The following BCL6 variants were observed in gnomAD, a reference collection of about 807,000 sequenced individuals.
BCL6 encodes the protein B-cell lymphoma 6 protein.
In BCL6, 7 loss-of-function variants were observed where a neutral mutation model predicts 59.5. That is an observed-to-expected ratio of 0.12 (90% confidence interval 0.07 to 0.22). BCL6 has a LOEUF of 0.22. Ranked by LOEUF, BCL6 falls within the 10% of genes least tolerant of loss-of-function variation. The probability of loss-of-function intolerance (pLI) is 1.00; values close to 1 mark genes in which losing one functional copy is unlikely to be tolerated. For synonymous variants in BCL6, 339 were observed against 349.7 expected (o/e 0.97, Z 0.34); for missense variants, 685 against 939.4 (o/e 0.73, Z 3.54).
rs778229277 is a variant in BCL6, at chr3:187,728,440, T to A, written c.1460A>T (p.Glu487Val). 1 of 1,612,770 alleles carries A rather than the reference T, an allele frequency of 6.2e-7. No homozygotes were observed. Among genetic ancestry groups the A allele is most frequent in the Non-Finnish European group, 8.5e-7 (1 of 1,179,640 alleles). Reference protein sequence around the residue: ...SCGSQSPQHAEMCLHTAGPTF... With the variant: ...SCGSQSPQHAVMCLHTAGPTF... ...GGGGCCAGCGGTGTGGAGGCACATC[T>A]CTGCATGCTGTGGGGACTGAGAGCC... The change falls in exon 6 of 10, where the codon GAG becomes GTG. Residue 487 changes from glutamate (E) to valine (V), a missense_variant. Coordinates refer to ENST00000406870, the MANE Select transcript of BCL6 (RefSeq NM_001706.5).
intron 1 of BCL6, among the ~76,000 whole-genome samples, chr3:187,744,816 G>A (rs557082253): frequency 3.3e-5 from 5 of 152,218 alleles, no homozygotes; most frequent in East Asian, 3.9e-4. Flanking sequence ...GACGGAGCAA[G>A]GAAAGCAGTT....
Position 187,742,486 on chromosome 3 carries a change from T to C in BCL6, c.-50+2924A>G, listed in dbSNP as rs190384400. Among the ~76,000 whole-genome samples, 97 of 152,328 alleles carry C rather than the reference T, an allele frequency of 6.4e-4. 1 individual carries two copies. The East Asian group carries it at 0.017, about 27-fold the overall frequency. ...AAGAAGAAAGGGGCAATTGGAGAAT[T>C]CCCACTTTTTCTGGCTGTCTCCTTC... On this transcript the variant is annotated intron_variant, in intron 1 of 9. Coordinates refer to ENST00000406870, the MANE Select transcript of BCL6 (RefSeq NM_001706.5).
At chr3:187,737,583 C>G (rs2108476372) in intron 1 of BCL6, 2 of 152,666 alleles carry the variant, frequency 1.3e-5, no homozygotes, top group Admixed American at 6.5e-5. Context: ...TACCCCACCC[C>G]GACCACTCCG....
chr3:187,729,497 T>C lies in BCL6; in HGVS notation c.908A>G (p.Glu303Gly). The C allele has an allele frequency of 1.2e-6, 2 of 1,613,468 alleles. No homozygotes were observed. The highest frequency in any genetic ancestry group is 1.7e-6 in the Non-Finnish European group (2 of 1,179,768). Residue 303 changes from glutamate (E) to glycine (G), a missense_variant, in exon 5 of 10, where the codon GAA (glutamate) becomes GGA (glycine). By Grantham distance (98) the Glu-to-Gly change is moderately conservative (BLOSUM62 -2). Transcript: ENST00000406870. This position sits in a 1 kb window ranked among gnomAD's most constrained non-coding sequence, Gnocchi z 5.6. The stretch of plus-strand genomic sequence containing the variant: ...CTCATCTTCCGAGGAGGGTCTCTCT[T>C]CTTCTTTGCTGGCCTTGTCACAAGG... ...YFPCDKASKE[E>G]ERPSSEDEIA...
Position 187,733,552 on chromosome 3 carries a change from T to A in BCL6, c.142A>T (p.Thr48Ser). The change falls in exon 3 of 10, where the codon ACG (threonine) becomes TCG (serine). Residue 48 changes from threonine (T) to serine (S), a missense_variant. Around this residue, in one of 7 missense-constraint regions of BCL6, gnomAD observed 102 missense variants for 176.6 expected, o/e 0.58. Transcript: ENST00000406870. ...CCTCACCTGCAGGCCATGAGGACCG[T>A]TTTATGGGCTCTAAACTGCTCACGG... ...VSREQFRAHK[T>S]VLMACSGLFY... 3.7e-6 allele frequency: 6 copies of A among 1,613,908 alleles called. No individual in the cohort carries two copies. The highest frequency in any genetic ancestry group is 5.1e-6 in the Non-Finnish European group (6 of 1,179,958).
intron 1 of BCL6, among the ~76,000 whole-genome samples, chr3:187,743,456 AC>A (rs1195604576): frequency 6.6e-6 from 1 of 151,222 alleles, no homozygotes; most frequent in African/African-American, 2.4e-5. Flanking sequence ...AACTGTCAGG[AC>A]CCCCCACCCC....
intron 1 of BCL6, among the ~76,000 whole-genome samples, chr3:187,744,743 C>A (rs1711814880): frequency 1.3e-5 from 2 of 151,688 alleles, no homozygotes; most frequent in Admixed American, 6.6e-5. Flanking sequence ...CCCAGAAGGA[C>A]AGGGGAAGGG....
Position 187,729,616 on chromosome 3 carries a change from T to C in BCL6, c.789A>G (p.Glu263=), listed in dbSNP as rs778910083. ...CACTTCGTGCCTCTTCTGGGATTGT[T>C]TCCTTGGGTGAATAGATATTGCTGT... is the stretch of plus-strand genomic sequence containing the variant. ...VCHSNIYSPK[E]TIPEEARSDM... is the part of the protein sequence containing the mutation. The change falls in exon 5 of 10, where the codon GAA becomes GAG. Residue 263 remains glutamate, a synonymous_variant. Coordinates refer to ENST00000406870, the MANE Select transcript of BCL6 (RefSeq NM_001706.5). This position sits in a 1 kb window ranked among gnomAD's most constrained non-coding sequence, Gnocchi z 5.6. 6.2e-7 allele frequency: 1 copy of C among 1,614,174 alleles called. No individual in the cohort carries two copies. Among genetic ancestry groups the C allele is most frequent in the Non-Finnish European group, 8.5e-7 (1 of 1,180,028 alleles).
intron 1 of BCL6, among the ~76,000 whole-genome samples, chr3:187,735,857 C>A (rs1374336439): frequency 2.6e-5 from 4 of 151,890 alleles, no homozygotes; most frequent in East Asian, 1.9e-4. Context: ...AAAGCAGAAC[C>A]TTTTAGAGCT....
At chr3:187,737,392 AG>A (rs1719340406) in intron 1 of BCL6, 22 of 141,568 alleles carry the variant, frequency 1.6e-4, no homozygotes, top group Non-Finnish European at 3.0e-4. Flanking sequence ...AGAGAGAGAG[AG>A]AGAAAATGAG....
chr3:187,744,136 A>G (rs529448064), intron 1 of BCL6, among the ~76,000 whole-genome samples: 3 of 152,274 alleles, frequency 2.0e-5, no homozygotes, highest in Admixed American at 2.0e-4. Flanking sequence ...AAAAAATAAA[A>G]TAAAATTTAG....
chr3:187,732,187 CA>C (rs963823190), intron 3 of BCL6, among the ~76,000 whole-genome samples: 7 of 152,288 alleles, frequency 4.6e-5, no homozygotes, highest in African/African-American at 9.6e-5. Flanking sequence ...GAACTAAGAT[CA>C]GGGGGGTTAA....
intron 6 of BCL6, 90 bp from the exon 7 acceptor site, chr3:187,726,988 G>C: frequency 6.9e-7 from 1 of 1,449,948 alleles, no homozygotes; most frequent in East Asian, 2.3e-5. Context: ...TACCCCTTGT[G>C]CCAAACTGAA....
intron 1 of BCL6, chr3:187,737,752 C>CTTTTTTTTTTT (rs60679881): frequency 1.4e-4 from 12 of 83,398 alleles, no homozygotes; most frequent in Non-Finnish European, 2.2e-4. Flanking sequence ...GTGTGTATGC[C>CTTTTTTTTTTT]TTTTTTTTTT....
At chr3:187,724,807 G>A (rs1029720917) in intron 9 of BCL6, 134 bp downstream of exon 9, 21 of 1,258,904 alleles carry the variant, frequency 1.7e-5, no homozygotes, top group Middle Eastern at 4.5e-4. Context: ...CGTAGTGGTT[G>A]CCCCACTGTG....
intron 3 of BCL6, 137 bp downstream of exon 3, chr3:187,733,396 G>A (rs553184892): frequency 1.9e-5 from 19 of 990,252 alleles, no homozygotes; most frequent in South Asian, 1.1e-4. Context: ...ACTGTGCCAC[G>A]CCATGGTGCT....
At chr3:187,741,133 G>A (rs2108479624) in intron 1 of BCL6, among the ~76,000 whole-genome samples, 1 of 152,328 alleles carries the variant, frequency 6.6e-6, no homozygotes, top group South Asian at 2.1e-4. Context: ...GTGGGGGCGA[G>A]GGTTGGGGGT....
At chr3:187,743,982 C>T (rs1579830935) in intron 1 of BCL6, among the ~76,000 whole-genome samples, 2 of 152,246 alleles carry the variant, frequency 1.3e-5, no homozygotes, top group Non-Finnish European at 2.9e-5. Context: ...CCCTTCTCTC[C>T]TCCTGAGTCT....
At chr3:187,731,518 T>C (rs1719040581) in intron 4 of BCL6, among the ~76,000 whole-genome samples, 191 bp downstream of exon 4, 1 of 152,084 alleles carries the variant, frequency 6.6e-6, no homozygotes, top group Non-Finnish European at 1.5e-5. Flanking sequence ...AGGACATACC[T>C]GTATAGCCAC....
Sources: allele counts gnomAD v4.1 joint callset (sites outside exome capture counted in the v4.1 genomes callset), GRCh38; gene constraint gnomAD v4.1.1; regional missense constraint gnomAD v4.1.1; non-coding constraint Gnocchi (gnomAD v3.1); transcripts MANE v1.5; gene names NCBI Gene and HGNC (gene_info 2026-07-23, HGNC 2026-07-21).